The following LPP variants were observed in gnomAD, a reference collection of about 807,000 sequenced individuals.
LPP encodes the protein LIM domain containing preferred translocation partner in lipoma.
LPP carries 38 observed loss-of-function variants against 60.4 expected under a neutral mutation model. That is an observed-to-expected ratio of 0.63 (90% CI 0.49 to 0.83). The LOEUF is 0.83. Among genes scored for constraint, LPP ranks in the 40% least tolerant of loss-of-function variants. The pLI is 0.00. For missense variants in LPP, 902 were observed against 783.6 expected, an observed-to-expected ratio of 1.15 and a Z score of -1.80; for synonymous variants, 328 against 290.8, an observed-to-expected ratio of 1.13 and a Z score of -1.30.
chr3:188,407,178 AC>A (rs1296357505), intron 4 of LPP, among the ~76,000 whole-genome samples: 2 of 147,866 alleles, frequency 1.4e-5, no homozygotes, highest in Admixed American at 6.9e-5. Flanking sequence ...TCCCTGTCCC[AC>A]CATTAAAAAA....
intron 4 of LPP, among the ~76,000 whole-genome samples, chr3:188,440,842 T>C (rs989382806): frequency 6.6e-5 from 10 of 152,140 alleles, no homozygotes; most frequent in African/African-American, 2.2e-4. Flanking sequence ...TCTGCTGGCA[T>C]AGAAAACTTT....
At chr3:188,209,197 G>T (rs561520282) in intron 1 of LPP, among the ~76,000 whole-genome samples, 2 of 152,176 alleles carry the variant, frequency 1.3e-5, no homozygotes, top group African/African-American at 4.8e-5. Flanking sequence ...TATTGCTGGT[G>T]TGACCTTGGG....
chr3:188,308,165 T>C (rs750164129), intron 2 of LPP, among the ~76,000 whole-genome samples: 3 of 152,162 alleles, frequency 2.0e-5, no homozygotes, highest in Non-Finnish European at 4.4e-5. Context: ...GAAAGCCAAA[T>C]TGTTGGTCAT....
intron 7 of LPP, among the ~76,000 whole-genome samples, chr3:188,676,052 G>A (rs550523875): frequency 7.2e-5 from 11 of 152,248 alleles, no homozygotes; most frequent in African/African-American, 2.2e-4. Context: ...GTCTCTAAAT[G>A]AGAATTGGCT....
In LPP at chr3:188,873,290, C is replaced by G. The variant is rs144813392; in HGVS notation, c.1710+527C>G. On this transcript the variant is annotated intron_variant, in intron 11 of 11. Transcript: ENST00000617246. ...TGCTGCTATTGTGTTCTGGATACCCCGTTAACTTAAATTTCATTCTATGTC... is the reference window on the plus strand; with the variant it reads ...TGCTGCTATTGTGTTCTGGATACCCGGTTAACTTAAATTTCATTCTATGTC... Among the ~76,000 whole-genome samples the G allele has an allele frequency of 5.3e-5, 8 of 152,240 alleles. No individual in the cohort carries two copies. The East Asian group carries it at 1.5e-3, about 29-fold the overall frequency.
At chr3:188,243,829 TC>T (rs1485761586) in intron 2 of LPP, among the ~76,000 whole-genome samples, 2 of 152,138 alleles carry the variant, frequency 1.3e-5, no homozygotes, top group Non-Finnish European at 2.9e-5. Context: ...CTGACACTAA[TC>T]TGAGTTCAGG....
chr3:188,604,634 A>G (rs1842059855), intron 6 of LPP, among the ~76,000 whole-genome samples: 1 of 152,172 alleles, frequency 6.6e-6, no homozygotes, highest in Admixed American at 6.6e-5. Flanking sequence ...AAAATAAGAT[A>G]GTTCATATTT....
rs759204868 is a variant in LPP at position 188,824,724 on chromosome 3, T to C, written c.1411-41476T>C. ...CAGCTACATCACCACAGATGTGAGA[T>C]CAGCAGACTTGCTTATTCTGAGTGC... On this transcript the variant is annotated intron_variant, in intron 9 of 11. Coordinates refer to ENST00000617246, the MANE Select transcript of LPP (RefSeq NM_001375462.1). 2.0e-5 allele frequency among the ~76,000 whole-genome samples: 3 copies of C among 152,308 alleles called. No individual in the cohort carries two copies. The East Asian group carries it at 5.8e-4, about 29-fold the overall frequency.
In LPP at chr3:188,245,531, C is replaced by T. The variant is rs114396066; in HGVS notation, c.-67+20004C>T. On this transcript the variant is annotated intron_variant, in intron 2 of 11. Coordinates refer to ENST00000617246, the MANE Select transcript of LPP (RefSeq NM_001375462.1). ...CTAAACTTCATTCCACCACCTTTGC[C>T]TTCCTTTTGCCTTTTCACCTCCTCT... Among the ~76,000 whole-genome samples the T allele has an allele frequency of 4.2e-3, 639 of 152,250 alleles. 9 individuals carry two copies. The highest frequency in any genetic ancestry group is 0.015 in the African/African-American group (603 of 41,550).
intron 6 of LPP, among the ~76,000 whole-genome samples, chr3:188,526,455 C>G (rs1363423008): frequency 6.6e-6 from 1 of 152,104 alleles, no homozygotes; most frequent in African/African-American, 2.4e-5. Flanking sequence ...CCACGCCCAG[C>G]TAATTTTTGT....
chr3:188,749,207 T>G (rs527465085), intron 8 of LPP, among the ~76,000 whole-genome samples: 1 of 152,256 alleles, frequency 6.6e-6, no homozygotes, highest in African/African-American at 2.4e-5. Context: ...CAACAGCGCC[T>G]ACTAGTGGGA....
In LPP at chr3:188,513,384, A is replaced by G. The variant is rs184574069; in HGVS notation, c.307-11281A>G. ...TATTACTAAAGGAGATGGGGGATAA[A>G]GCAGCTCTGTCTGTATATGTTTCAT... On this transcript the variant is annotated intron_variant, in intron 5 of 11. Coordinates refer to ENST00000617246, the MANE Select transcript of LPP (RefSeq NM_001375462.1). Among the ~76,000 whole-genome samples, 3 of 152,286 alleles carry G rather than the reference A, an allele frequency of 2.0e-5. No homozygotes were observed. In the East Asian group the frequency reaches 5.8e-4, roughly 29 times the overall value.
At position 188,226,579 on chromosome 3, in the gene LPP, C is replaced by A. The variant is rs545156928; in HGVS notation, c.-67+1052C>A. On this transcript the variant is annotated intron_variant, in intron 2 of 11. Coordinates refer to ENST00000617246, the MANE Select transcript of LPP (RefSeq NM_001375462.1). ...AATCAACAGTGTGGAATACCCTGGG[C>A]TCTAAGGAAAGCTGAGGAAATTAGT... Among the ~76,000 whole-genome samples, 7 of 152,260 alleles carry A rather than the reference C, an allele frequency of 4.6e-5. No homozygotes were observed. The South Asian group carries it at 1.2e-3, about 27-fold the overall frequency.
intron 4 of LPP, among the ~76,000 whole-genome samples, chr3:188,464,230 G>C (rs1050932095): frequency 1.3e-5 from 2 of 152,126 alleles, no homozygotes; most frequent in African/African-American, 4.8e-5. Context: ...TTTTTGGATG[G>C]CTTAGGGAGT....
At chr3:188,431,707 G>C (rs1294710807) in intron 4 of LPP, among the ~76,000 whole-genome samples, 1 of 152,060 alleles carries the variant, frequency 6.6e-6, no homozygotes, top group Non-Finnish European at 1.5e-5. Context: ...AATGACTCTG[G>C]GTTAGTTTCC....
chr3:188,589,258 A>G (rs1048359671), intron 6 of LPP, among the ~76,000 whole-genome samples: 2 of 152,146 alleles, frequency 1.3e-5, no homozygotes, highest in African/African-American at 4.8e-5. Flanking sequence ...AATTAAAAGG[A>G]ACACAAATAA....
At chr3:188,410,189 A>G (rs1398842912) in intron 4 of LPP, among the ~76,000 whole-genome samples, 1 of 152,226 alleles carries the variant, frequency 6.6e-6, no homozygotes, top group African/African-American at 2.4e-5. Context: ...GCAGAACTGA[A>G]TTAATTGATA....
chr3:188,678,210 A>G (rs182978553), intron 7 of LPP, among the ~76,000 whole-genome samples: 12 of 152,332 alleles, frequency 7.9e-5, no homozygotes, highest in Admixed American at 5.2e-4. Flanking sequence ...CTGCTCTCTT[A>G]CAACACGCTT....
At chr3:188,496,526 G>A (rs1425906546) in intron 5 of LPP, among the ~76,000 whole-genome samples, 2 of 152,194 alleles carry the variant, frequency 1.3e-5, no homozygotes, top group Admixed American at 1.3e-4. Flanking sequence ...TCTCCATCTT[G>A]TATCAGTGAA....
Sources: allele counts gnomAD v4.1 joint callset (sites outside exome capture counted in the v4.1 genomes callset), GRCh38; gene constraint gnomAD v4.1.1; transcripts MANE v1.5; gene names NCBI Gene and HGNC (gene_info 2026-07-23, HGNC 2026-07-21).